The following PPRC1 variants were observed in gnomAD, a reference collection of about 807,000 sequenced individuals.
The protein encoded by PPRC1 is peroxisome proliferator-activated receptor gamma coactivator-related protein 1.
A neutral mutation model predicts 132.5 loss-of-function variants in PPRC1; 23 were observed. That is an observed-to-expected ratio of 0.17 (90% confidence interval 0.12 to 0.25). PPRC1 has a LOEUF of 0.25. Among genes scored for constraint, PPRC1 ranks in the 10% least tolerant of loss-of-function variants. The pLI is 1.00. For synonymous variants in PPRC1, 872 were observed against 833.5 expected (o/e 1.05, Z -0.80); for missense variants, 2,006 against 2,089.1 (o/e 0.96, Z 0.78).
chr10:102,138,830 A>G, intron 3 of PPRC1, 49 bp from the exon 4 acceptor site: 2 of 1,612,056 alleles, frequency 1.2e-6, no homozygotes, highest in East Asian at 2.2e-5. Context: ...GGACCTACTC[A>G]TATAGCTCTG....
chr10:102,130,416 CAAAAAAAA>C (rs1203599289), upstream of PPRC1, among the ~76,000 whole-genome samples: 3 of 15,980 alleles, frequency 1.9e-4, no homozygotes, highest in African/African-American at 4.9e-4. Context: ...GAATCCTTCT[CAAAAAAAA>C]AAAAAAAAAA....
In PPRC1 at chr10:102,141,334, G is replaced by A. The variant is rs746788162; in HGVS notation, c.2826G>A (p.Thr942=). Residue 942 remains threonine (T), a synonymous_variant, in exon 5 of 14, where the codon ACG becomes ACA. Transcript: ENST00000278070. ...SGYPCLPPPP[T]VPLVSGTPGA... ...ATCCTTGCCTGCCCCCCCCACCAAC[G>A]GTGCCCCTAGTGTCTGGTACTCCTG... The A allele has an allele frequency of 3.1e-5, 50 of 1,613,458 alleles. No homozygotes were observed. The highest frequency in any genetic ancestry group is 3.7e-5 in the Non-Finnish European group (44 of 1,179,822).
the PPRC1 span, among the ~76,000 whole-genome samples, chr10:102,122,737 G>A: frequency 6.6e-6 from 1 of 152,048 alleles, no homozygotes; most frequent in Admixed American, 6.6e-5. Flanking sequence ...AAAGGTCTTT[G>A]CCTCCTGTGA....
chr10:102,129,075 G>A (rs185494462), upstream of PPRC1, among the ~76,000 whole-genome samples: 185 of 150,086 alleles, frequency 1.2e-3, no homozygotes, highest in African/African-American at 4.1e-3. Flanking sequence ...GACTACAGGC[G>A]CCCGCCACCA....
chr10:102,138,109 G>T, intron 2 of PPRC1, 71 bp downstream of exon 2: 4 of 1,473,846 alleles, frequency 2.7e-6, no homozygotes, highest in Non-Finnish European at 3.7e-6. Context: ...CAAATTCTTG[G>T]CATGGCTCTG....
rs144417602 is a variant in PPRC1 at position 102,141,705 on chromosome 10, C to T, written c.3197C>T (p.Pro1066Leu). ...EVKPVPASPH[P>L]KHKVSALVQS... ...AAGCCAGTGCCTGCATCTCCCCATC[C>T]GAAACACAAGGTGTCTGCCCTGGTG... The change falls in exon 5 of 14, where the codon CCG (proline) becomes CTG (leucine). Residue 1066 changes from proline (P) to leucine (L), a missense_variant. Pro to Leu is a moderately conservative substitution (Grantham distance 98). Transcript: ENST00000278070. The T allele has an allele frequency of 5.4e-5, 87 of 1,613,958 alleles. No homozygotes were observed. The highest frequency in any genetic ancestry group is 5.3e-4 in the African/African-American group (40 of 75,026).
At chr10:102,134,824 C>T (rs202008066) in intron 1 of PPRC1, among the ~76,000 whole-genome samples, 1 of 152,298 alleles carries the variant, frequency 6.6e-6, no homozygotes, top group East Asian at 1.9e-4. Flanking sequence ...CCTGACCTCA[C>T]CCATCACTGA....
At chr10:102,120,424 CG>C in the PPRC1 span, 14 of 981,204 alleles carry the variant, frequency 1.4e-5, no homozygotes, top group Non-Finnish European at 1.6e-5. Flanking sequence ...CTCCCGCCGC[CG>C]TCGCCGAGCG....
chr10:102,133,258 A>G, intron 1 of PPRC1, 37 bp downstream of exon 1: 1 of 1,259,396 alleles, frequency 7.9e-7, no homozygotes, highest in Non-Finnish European at 1.0e-6. Flanking sequence ...CAGGCAGCAA[A>G]GCGGTGTGTG....
At chr10:102,137,821 T>A (rs1392713639) in intron 1 of PPRC1, 29 bp from the exon 2 acceptor site, 2 of 1,605,222 alleles carry the variant, frequency 1.2e-6, no homozygotes, top group Non-Finnish European at 1.7e-6. Flanking sequence ...AGAGAGCTCA[T>A]ACCCTTCTCA....
At chr10:102,125,674 A>C in the PPRC1 span, among the ~76,000 whole-genome samples, 5 of 152,136 alleles carry the variant, frequency 3.3e-5, no homozygotes, top group Admixed American at 2.6e-4. Context: ...CCTTACAAAA[A>C]GGCAGACAGC....
chr10:102,128,856 C>T (rs1377117282), upstream of PPRC1, among the ~76,000 whole-genome samples: 18 of 147,796 alleles, frequency 1.2e-4, no homozygotes, highest in South Asian at 2.1e-4. Context: ...CCTCGTGATC[C>T]GCCCGCCTCG....
rs377078215 is a variant in PPRC1, at chr10:102,140,101, C to T, written c.1593C>T (p.Ala531=). 1.9e-6 allele frequency: 3 copies of T among 1,614,248 alleles called. No homozygotes were observed. The highest frequency in any genetic ancestry group is 1.6e-4 in the Middle Eastern group (1 of 6,062). Reference sequence around the variant, plus strand: ...CTTGGGCTCGGGCCTGGGCAGCTGCCTTGGAGAATTCTAGCCCTAAGAACT... The same window carrying T: ...CTTGGGCTCGGGCCTGGGCAGCTGCTTTGGAGAATTCTAGCCCTAAGAACT... ...PRAWARAWAA[A]LENSSPKNLE... is the part of the protein sequence containing the mutation. Residue 531 remains alanine (A), a synonymous_variant, in exon 5 of 14, where the codon GCC becomes GCT. Transcript: ENST00000278070.
intron 9 of PPRC1, 148 bp downstream of exon 9, chr10:102,147,540 C>T (rs914605621): frequency 1.7e-6 from 2 of 1,194,706 alleles, no homozygotes; most frequent in Admixed American, 2.8e-5. Flanking sequence ...TTTCCCTTTT[C>T]CTGGATTGTT....
At chr10:102,143,211 C>A in intron 6 of PPRC1, 113 bp downstream of exon 6, 1 of 931,920 alleles carries the variant, frequency 1.1e-6, no homozygotes. Context: ...GCCACTGGAG[C>A]AGACCCCTAA....
chr10:102,135,935 G>A (rs2068706539), intron 1 of PPRC1, among the ~76,000 whole-genome samples: 1 of 152,190 alleles, frequency 6.6e-6, no homozygotes, highest in Non-Finnish European at 1.5e-5. Flanking sequence ...TGTGCTGTTT[G>A]GGAATTGAGT....
At chr10:102,124,639 C>G in the PPRC1 span, among the ~76,000 whole-genome samples, 1 of 145,792 alleles carries the variant, frequency 6.9e-6, no homozygotes, top group African/African-American at 2.5e-5. Flanking sequence ...CTGTGCCTGG[C>G]CATTTTTTTT....
upstream of PPRC1, chr10:102,133,025 G>A (rs1047515309): frequency 3.2e-6 from 4 of 1,237,832 alleles, no homozygotes; most frequent in Admixed American, 1.3e-4. Flanking sequence ...GCTGGGCGAG[G>A]CGGCGCCAGC....
In PPRC1 at chr10:102,148,298, C is replaced by T; in HGVS notation, c.4401-74C>T. ...TGAGCTTCCTAAAAGAAAGGCAGGA[C>T]TGGGGCCTGGGTGAGATAAGCAGAG... On this transcript the variant is annotated intron_variant, in intron 9 of 13. Coordinates refer to ENST00000278070, the MANE Select transcript of PPRC1 (RefSeq NM_015062.5). This position sits in a 1 kb window ranked among gnomAD's most constrained non-coding sequence, Gnocchi z 4.2. 1 of 1,525,238 alleles carries T rather than the reference C, an allele frequency of 6.6e-7. No homozygotes were observed. Among genetic ancestry groups the T allele is most frequent in the Non-Finnish European group, 8.9e-7 (1 of 1,121,292 alleles). 94.5% of individuals were successfully genotyped at this position (1,525,238 alleles called of 1,614,324 possible).
Sources: allele counts gnomAD v4.1 joint callset (sites outside exome capture counted in the v4.1 genomes callset), GRCh38; gene constraint gnomAD v4.1.1; non-coding constraint Gnocchi (gnomAD v3.1); transcripts MANE v1.5; gene names NCBI Gene and HGNC (gene_info 2026-07-23, HGNC 2026-07-21).